The following SEMA3A variants were observed in gnomAD, a reference collection of about 807,000 sequenced individuals.
SEMA3A encodes semaphorin 3A.
A neutral mutation model predicts 97.9 loss-of-function variants in SEMA3A; 29 were observed. That is an observed-to-expected ratio of 0.30 (90% CI 0.22 to 0.40). The LOEUF is 0.40. Among genes scored for constraint, SEMA3A ranks in the 10% least tolerant of loss-of-function variants. The probability of loss-of-function intolerance (pLI) is 1.00; values close to 1 mark genes in which losing one functional copy is unlikely to be tolerated. For synonymous variants in SEMA3A, 321 were observed against 323.7 expected (o/e 0.99, Z 0.09); for missense variants, 763 against 951.3 (o/e 0.80, Z 2.60).
rs139207450 is a variant in SEMA3A, at chr7:84,134,929, C to T, written c.135G>A (p.Val45=). 1.2e-6 allele frequency: 2 copies of T among 1,612,962 alleles called. No homozygotes were observed. The highest frequency in any genetic ancestry group is 1.7e-6 in the Non-Finnish European group (2 of 1,179,680). ...TGTTGGCCAAGCCATTGAAAGTGAT[C>T]ACATTGTTGGATTCCAACATTTCTG... The part of the protein sequence containing the change: ...SYKEMLESNN[V]ITFNGLANSS... Residue 45 remains valine (V), a synonymous_variant, in exon 2 of 17, where the codon GTG becomes GTA. Transcript: ENST00000265362.
intron 1 of SEMA3A, among the ~76,000 whole-genome samples, chr7:84,191,743 G>T (rs1798043862): frequency 1.3e-5 from 2 of 151,716 alleles, no homozygotes; most frequent in Non-Finnish European, 3.0e-5. Context: ...CTATGTAACT[G>T]CTGAGATTTA....
chr7:84,223,413 A>G (rs1798923204), intron 3 of SEMA3A, among the ~76,000 whole-genome samples: 1 of 151,850 alleles, frequency 6.6e-6, no homozygotes, highest in African/African-American at 2.4e-5. Flanking sequence ...TTTGTGATCA[A>G]TGGAGAGGTT....
rs1325406399 is a variant in SEMA3A, at chr7:84,091,204, GAAAGAAAGAAAAGA to G, written c.453+19252_453+19265del. Reference sequence around the variant, plus strand: ...AGAAAGAAAGAAAGAAAGAAAGAAAGAAAGAAAGAAAAGAAAAGAAAGAAAAGAAAGAAGGAAGG... The same window carrying G: ...AGAAAGAAAGAAAGAAAGAAAGAAAGAAAGAAAGAAAAGAAAGAAGGAAGG... On this transcript the variant is annotated intron_variant, in intron 4 of 16. Coordinates refer to ENST00000265362, the MANE Select transcript of SEMA3A (RefSeq NM_006080.3). 1.6e-4 allele frequency among the ~76,000 whole-genome samples: 11 copies of G among 69,100 alleles called. No individual in the cohort carries two copies. In the East Asian group the frequency reaches 3.7e-3, roughly 23 times the overall value. 45.3% of individuals were successfully genotyped at this position (69,100 alleles called of 152,430 possible).
chr7:84,135,597 T>C (rs929120987), intron 1 of SEMA3A, among the ~76,000 whole-genome samples: 6 of 152,202 alleles, frequency 3.9e-5, no homozygotes, highest in African/African-American at 1.4e-4. Context: ...TTACAAAAAC[T>C]TTTTAAAAGT....
intron 1 of SEMA3A, among the ~76,000 whole-genome samples, chr7:84,445,213 C>T (rs747398626): frequency 7.3e-5 from 11 of 151,422 alleles, no homozygotes; most frequent in Non-Finnish European, 1.5e-4. Context: ...ATAATGAGGC[C>T]GGGTGTGGTG....
At chr7:84,007,322 A>C (rs775905438) in intron 10 of SEMA3A, 31 bp downstream of exon 10, 1 of 1,544,604 alleles carries the variant, frequency 6.5e-7, no homozygotes, top group Middle Eastern at 1.7e-4. Context: ...AAATATATTC[A>C]TTTCATATTT....
chr7:84,191,684 T>G (rs1337442764), intron 1 of SEMA3A, among the ~76,000 whole-genome samples: 1 of 151,850 alleles, frequency 6.6e-6, no homozygotes, highest in African/African-American at 2.4e-5. Flanking sequence ...TTACATATAT[T>G]TAAAGAAGAC....
chr7:84,240,187 T>G lies in SEMA3A; in HGVS notation c.-82-45519A>C, dbSNP rs79765525. Among the ~76,000 whole-genome samples, 1,952 of 152,250 alleles carry G rather than the reference T, an allele frequency of 0.013. 64 individuals carry two copies. In the East Asian group the frequency reaches 0.15, roughly 11 times the overall value. On this transcript the variant is annotated intron_variant, in intron 3 of 3. Coordinates refer to the SEMA3A transcript ENST00000424555. Reference sequence around the variant, plus strand: ...AGATGGGAGAGAGATTTATAAGAAGTCTTAAAAATACATAAGCAAATATTT... The same window carrying G: ...AGATGGGAGAGAGATTTATAAGAAGGCTTAAAAATACATAAGCAAATATTT...
At chr7:84,468,875 G>A (rs1806071404) in intron 1 of SEMA3A, among the ~76,000 whole-genome samples, 1 of 151,508 alleles carries the variant, frequency 6.6e-6, no homozygotes, top group Non-Finnish European at 1.5e-5. Flanking sequence ...ATAACAGCTA[G>A]GTCAATCTTA....
chr7:84,051,292 AC>A (rs1792635718), intron 5 of SEMA3A, among the ~76,000 whole-genome samples: 1 of 152,070 alleles, frequency 6.6e-6, no homozygotes. Flanking sequence ...TCTATAAATT[AC>A]CTTGGGCAGT....
intron 3 of SEMA3A, among the ~76,000 whole-genome samples, chr7:84,124,772 C>A (rs1795740301): frequency 6.6e-6 from 1 of 152,002 alleles, no homozygotes; most frequent in South Asian, 2.1e-4. Context: ...GAAAGAAATG[C>A]AAAAATTGCA....
chr7:84,048,671 A>T (rs1311501728), intron 5 of SEMA3A, among the ~76,000 whole-genome samples: 1 of 152,062 alleles, frequency 6.6e-6, no homozygotes, highest in Non-Finnish European at 1.5e-5. Flanking sequence ...AACCACAGTT[A>T]AAAACTAAAA....
Position 84,334,232 on chromosome 7 carries a change from C to T in SEMA3A, c.-168-26940G>A, listed in dbSNP as rs997040508. Reference sequence around the variant, plus strand: ...TTCCATTTATATATTTGCTATTCTACAAATTTTGTTTTCATAAATATATTA... The same window carrying T: ...TTCCATTTATATATTTGCTATTCTATAAATTTTGTTTTCATAAATATATTA... On this transcript the variant is annotated intron_variant, in intron 2 of 3. Coordinates refer to the SEMA3A transcript ENST00000424555. Among the ~76,000 whole-genome samples the T allele has an allele frequency of 7.9e-5, 12 of 151,806 alleles. No homozygotes were observed. The South Asian group carries it at 1.2e-3, about 16-fold the overall frequency.
chr7:84,478,913 C>T (rs1806372038), intron 1 of SEMA3A, among the ~76,000 whole-genome samples: 2 of 151,860 alleles, frequency 1.3e-5, no homozygotes, highest in South Asian at 4.2e-4. Context: ...ATATGACACG[C>T]CTGTGATTAT....
At chr7:83,962,884 T>A (rs1364498941) in intron 16 of SEMA3A, among the ~76,000 whole-genome samples, 1 of 152,200 alleles carries the variant, frequency 6.6e-6, no homozygotes, top group Non-Finnish European at 1.5e-5. Context: ...AGGAGGTTTT[T>A]TTTTATTTGT....
At chr7:84,400,774 T>C (rs1316687051) in intron 1 of SEMA3A, among the ~76,000 whole-genome samples, 1 of 152,240 alleles carries the variant, frequency 6.6e-6, no homozygotes, top group Non-Finnish European at 1.5e-5. Flanking sequence ...TTTGAAGTCA[T>C]GTGATCATTT....
At chr7:84,359,725 C>T (rs1049462603) in intron 2 of SEMA3A, among the ~76,000 whole-genome samples, 2 of 152,144 alleles carry the variant, frequency 1.3e-5, no homozygotes, top group South Asian at 4.1e-4. Context: ...AGGAGCTCCT[C>T]CTTGTACCTC....
intron 1 of SEMA3A, among the ~76,000 whole-genome samples, chr7:84,412,081 G>A (rs1310492500): frequency 3.3e-5 from 5 of 152,122 alleles, no homozygotes; most frequent in Non-Finnish European, 2.9e-5. Context: ...ACTCCTAGAT[G>A]CCATTTATGA....
chr7:84,336,269 G>A (rs540722921), intron 2 of SEMA3A, among the ~76,000 whole-genome samples: 6 of 152,278 alleles, frequency 3.9e-5, no homozygotes, highest in African/African-American at 1.4e-4. Context: ...CACAAAAAAT[G>A]TTGGATGGAA....
Sources: gnomAD v4.1 joint callset for allele counts (sites outside exome capture counted in the v4.1 genomes callset) on GRCh38, gnomAD v4.1.1 for gene constraint, MANE v1.5 for transcripts, NCBI Gene and HGNC (gene_info 2026-07-23, HGNC 2026-07-21) for gene names.